Variants in UNC13B observed in about 807,000 individuals in gnomAD.
UNC13B encodes the protein unc-13 homolog B.
UNC13B carries 144 observed loss-of-function variants against 211.0 expected under a neutral mutation model. That is an observed-to-expected ratio of 0.68 (90% CI 0.60 to 0.78). The LOEUF is 0.78. Ranked by LOEUF, UNC13B falls within the 30% of genes least tolerant of loss-of-function variation. UNC13B has a pLI of 0.00. For synonymous variants in UNC13B, 709 were observed against 725.8 expected, an observed-to-expected ratio of 0.98 and a Z score of 0.37; for missense variants, 1,777 against 2,002.0, an observed-to-expected ratio of 0.89 and a Z score of 2.14.
At chr9:35,352,776 C>T (rs1264294572) in intron 11 of UNC13B, 2 of 1,232,106 alleles carry the variant, frequency 1.6e-6, no homozygotes, top group Admixed American at 4.2e-5. Context: ...GAGAAAAAGG[C>T]TTCTCTGTCT....
At chr9:35,400,697 GT>G (rs1564201691) in intron 37 of UNC13B, among the ~76,000 whole-genome samples, 1 of 152,160 alleles carries the variant, frequency 6.6e-6, no homozygotes, top group Non-Finnish European at 1.5e-5. Context: ...GCCCATGCAT[GT>G]TTATTAAACT....
chr9:35,194,038 A>G (rs1822805133), intron 1 of UNC13B, among the ~76,000 whole-genome samples: 1 of 152,088 alleles, frequency 6.6e-6, no homozygotes, highest in East Asian at 1.9e-4. Context: ...TGCTCTCCAG[A>G]CCAAGGGCAG....
chr9:35,246,384 G>A (rs1438962108), intron 6 of UNC13B, among the ~76,000 whole-genome samples: 1 of 152,176 alleles, frequency 6.6e-6, no homozygotes, highest in Non-Finnish European at 1.5e-5. Context: ...TTTGGCTTTT[G>A]TTGCTATTGC....
At chr9:35,186,181 G>T (rs1476113557) in intron 1 of UNC13B, among the ~76,000 whole-genome samples, 1 of 151,938 alleles carries the variant, frequency 6.6e-6, no homozygotes, top group African/African-American at 2.4e-5. Context: ...CCTACTAGGT[G>T]TAGACCCTAC....
chr9:35,177,856 T>C (rs1482095435), intron 1 of UNC13B, among the ~76,000 whole-genome samples: 1 of 152,098 alleles, frequency 6.6e-6, no homozygotes, highest in African/African-American at 2.4e-5. Flanking sequence ...ATATAATGGA[T>C]TGTAGAAATT....
rs903778719 is a variant in UNC13B, at chr9:35,306,647, G to C, written c.7243G>C (p.Asp2415His). Residue 2415 changes from aspartate to histidine, a missense_variant, in exon 9 of 40, where the codon GAT becomes CAT. Asp to His is a moderately conservative substitution (Grantham distance 81). Coordinates refer to ENST00000635942, the MANE Select transcript of UNC13B (RefSeq NM_001371189.2). ...PVNLPLEKAP[D>H]EVLPQILEPA... is the part of the protein sequence containing the mutation. ...GAACTTGCCATTAGAAAAGGCCCCC[G>C]ATGAGGTCTTACCACAGATCCTAGA... 1 of 398,866 alleles carries C rather than the reference G, an allele frequency of 2.5e-6. No individual in the cohort carries two copies. Among genetic ancestry groups the C allele is most frequent in the Non-Finnish European group, 4.4e-6 (1 of 226,086 alleles). The allele number at this position is 398,866 out of a possible 1,614,324, so 24.7% of individuals were successfully genotyped here.
chr9:35,315,299 CAGT>C (rs1830394724), intron 11 of UNC13B, among the ~76,000 whole-genome samples: 1 of 152,006 alleles, frequency 6.6e-6, no homozygotes, highest in Non-Finnish European at 1.5e-5. Flanking sequence ...AATTGGCTGT[CAGT>C]AGTATAATAT....
intron 11 of UNC13B, among the ~76,000 whole-genome samples, chr9:35,316,268 C>G (rs1157852334): frequency 6.6e-6 from 1 of 152,088 alleles, no homozygotes; most frequent in Non-Finnish European, 1.5e-5. Flanking sequence ...TCCCTTTTCT[C>G]TCATTAATTT....
chr9:35,389,934 T>C lies in UNC13B; in HGVS notation c.11183T>C (p.Ile3728Thr). Reference sequence around the variant, plus strand: ...CTCATCACACTCATCGTGTCAATCATAGAGGAAGATAAGAATTCCTACACA... The same window carrying C: ...CTCATCACACTCATCGTGTCAATCACAGAGGAAGATAAGAATTCCTACACA... ...PKLITLIVSI[I>T]EEDKNSYTPV... The change falls in exon 25 of 40, where the codon ATA (isoleucine) becomes ACA (threonine). Residue 3728 changes from isoleucine to threonine, a missense_variant. Transcript: ENST00000635942. 3 of 1,614,104 alleles carry C rather than the reference T, an allele frequency of 1.9e-6. No homozygotes were observed. The highest frequency in any genetic ancestry group is 2.5e-6 in the Non-Finnish European group (3 of 1,179,982).
intron 6 of UNC13B, among the ~76,000 whole-genome samples, chr9:35,248,848 G>C (rs556858802): frequency 1.3e-5 from 2 of 152,298 alleles, no homozygotes; most frequent in South Asian, 4.2e-4. Context: ...TTGGGGTGGA[G>C]AGTTCTGTAG....
At chr9:35,352,367 C>A in intron 11 of UNC13B, 1 of 1,232,208 alleles carries the variant, frequency 8.1e-7, no homozygotes, top group Admixed American at 4.2e-5. Context: ...CCATCTAGAG[C>A]ATAGAGACTT....
chr9:35,287,709 T>C (rs1828876004), intron 7 of UNC13B, among the ~76,000 whole-genome samples: 1 of 152,220 alleles, frequency 6.6e-6, no homozygotes, highest in South Asian at 2.1e-4. Flanking sequence ...ACTTTTACAT[T>C]GTGCCATGCA....
intron 39 of UNC13B, 47 bp downstream of exon 39, chr9:35,403,646 T>A: frequency 1.3e-6 from 1 of 768,200 alleles, no homozygotes; most frequent in South Asian, 1.6e-5. Context: ...GGGGTAAGAC[T>A]TGAGGGGTGG....
intron 1 of UNC13B, among the ~76,000 whole-genome samples, chr9:35,219,895 A>C (rs557298628): frequency 6.6e-6 from 1 of 152,230 alleles, no homozygotes; most frequent in South Asian, 2.1e-4. Context: ...AAATGTGTGC[A>C]TATGTCTATT....
chr9:35,355,824 G>A (rs1207269349), intron 11 of UNC13B, among the ~76,000 whole-genome samples: 1 of 152,176 alleles, frequency 6.6e-6, no homozygotes, highest in Non-Finnish European at 1.5e-5. Context: ...TTTCAGCACA[G>A]CAACAATAGA....
intron 26 of UNC13B, among the ~76,000 whole-genome samples, chr9:35,394,857 G>T (rs1835771051): frequency 6.6e-6 from 1 of 152,182 alleles, no homozygotes; most frequent in Admixed American, 6.5e-5. Context: ...GAACTTGTCA[G>T]TTAGTTTTTA....
intron 32 of UNC13B, 120 bp downstream of exon 32, chr9:35,398,762 C>A: frequency 6.4e-7 from 1 of 1,558,666 alleles, no homozygotes; most frequent in Non-Finnish European, 8.8e-7. Flanking sequence ...TGTACTCCTG[C>A]TGACTGTCCC....
chr9:35,171,618 G>A (rs1821337235), intron 1 of UNC13B, among the ~76,000 whole-genome samples: 2 of 152,088 alleles, frequency 1.3e-5, no homozygotes, highest in Non-Finnish European at 2.9e-5. Context: ...TGCCCAGGCT[G>A]GTGTCGAACT....
chr9:35,342,405 TG>T (rs1832058742), intron 11 of UNC13B: 3 of 970,800 alleles, frequency 3.1e-6, no homozygotes, highest in Middle Eastern at 5.2e-4. Context: ...GGAAAGCATT[TG>T]TGGGTGGAAT....
Sources: allele counts gnomAD v4.1 joint callset (sites outside exome capture counted in the v4.1 genomes callset), GRCh38; gene constraint gnomAD v4.1.1; transcripts MANE v1.5; gene names NCBI Gene and HGNC (gene_info 2026-07-23, HGNC 2026-07-21).